PECAM1: variants seen among roughly 807,000 people sequenced by gnomAD.
The protein encoded by PECAM1 is platelet and endothelial cell adhesion molecule 1, also known as platelet endothelial cell adhesion molecule.
PECAM1 carries 8 observed loss-of-function variants against 13.8 expected under a neutral mutation model. That is an observed-to-expected ratio of 0.58 (90% confidence interval 0.34 to 1.05). The LOEUF is 1.05. PECAM1 is among the 50% of genes least tolerant of loss of function. The probability of loss-of-function intolerance (pLI) is 0.03; values close to 1 mark genes in which losing one functional copy is unlikely to be tolerated. For missense variants in PECAM1, 304 were observed against 141.2 expected, an observed-to-expected ratio of 2.15 and a Z score of -5.84; for synonymous variants, 136 against 52.6, an observed-to-expected ratio of 2.58 and a Z score of -6.86.
chr17:64,331,631 G>A (rs2035123516), intron 14 of PECAM1, among the ~76,000 whole-genome samples: 1 of 152,256 alleles, frequency 6.6e-6, no homozygotes, highest in South Asian at 2.1e-4. Flanking sequence ...CATAGGTGGT[G>A]GGTGATCCCT....
At chr17:64,329,079 C>G (rs1555646167) in intron 15 of PECAM1, among the ~76,000 whole-genome samples, 1 of 152,074 alleles carries the variant, frequency 6.6e-6, no homozygotes, top group Admixed American at 6.6e-5. Flanking sequence ...CATCCCTCAC[C>G]CTTGTGCTCC....
intron 12 of PECAM1, 113 bp downstream of exon 12, chr17:64,350,267 T>G (rs1320403843): frequency 2.5e-6 from 1 of 392,844 alleles, no homozygotes; most frequent in Non-Finnish European, 4.7e-6. Flanking sequence ...ACAGGGTCAT[T>G]AAGAGAGGTG....
chr17:64,382,308 G>A (rs2036498784), intron 2 of PECAM1, among the ~76,000 whole-genome samples: 1 of 152,142 alleles, frequency 6.6e-6, no homozygotes, highest in Non-Finnish European at 1.5e-5. Flanking sequence ...AGTGCACGGA[G>A]CCAGACCTGG....
intron 6 of PECAM1, among the ~76,000 whole-genome samples, chr17:64,361,508 CTT>C (rs1415603543): frequency 2.0e-5 from 3 of 151,704 alleles, no homozygotes; most frequent in Non-Finnish European, 4.4e-5. Flanking sequence ...AATCCCAGCA[CTT>C]TGGGAGGCCG....
intron 3 of PECAM1, 141 bp downstream of exon 3, chr17:64,377,683 G>A: frequency 2.4e-6 from 1 of 423,804 alleles, no homozygotes; most frequent in Admixed American, 3.6e-5. Flanking sequence ...ACGTATTCAG[G>A]TAAGGAAAAT....
At chr17:64,353,891 T>C (rs1398972125) in intron 9 of PECAM1, among the ~76,000 whole-genome samples, 2 of 151,806 alleles carry the variant, frequency 1.3e-5, no homozygotes, top group Non-Finnish European at 2.9e-5. Context: ...GACAATGATA[T>C]GGGAACCAGA....
chr17:64,384,690 C>A (rs2036555469), intron 2 of PECAM1, among the ~76,000 whole-genome samples: 1 of 152,174 alleles, frequency 6.6e-6, no homozygotes, highest in African/African-American at 2.4e-5. Context: ...CAACCCTGAC[C>A]AACAATTTAT....
chr17:64,343,712 A>C (rs2035489088), intron 13 of PECAM1, among the ~76,000 whole-genome samples: 1 of 152,174 alleles, frequency 6.6e-6, no homozygotes, highest in Admixed American at 6.5e-5. Context: ...CCAGGGCACC[A>C]AACAGGATTT....
intron 5 of PECAM1, among the ~76,000 whole-genome samples, chr17:64,367,188 T>C (rs1019702497): frequency 9.2e-5 from 14 of 152,138 alleles, no homozygotes; most frequent in African/African-American, 3.4e-4. Context: ...TAAGAAACAG[T>C]CTCTGACTTC....
At chr17:64,371,715 A>G (rs9652845) in intron 4 of PECAM1, among the ~76,000 whole-genome samples, 70,751 of 151,906 alleles carry the variant, frequency 0.47, 16,693 homozygotes, top group South Asian at 0.58. Context: ...CTGTAATGCC[A>G]GCTACTCAGG....
chr17:64,379,500 G>T (rs1170306547), intron 2 of PECAM1, among the ~76,000 whole-genome samples: 3 of 152,124 alleles, frequency 2.0e-5, no homozygotes, highest in Non-Finnish European at 4.4e-5. Context: ...AGCAGACCAG[G>T]GTGAACTGCT....
intron 15 of PECAM1, among the ~76,000 whole-genome samples, chr17:64,324,918 G>T (rs2034903672): frequency 6.6e-6 from 1 of 152,208 alleles, no homozygotes; most frequent in Non-Finnish European, 1.5e-5. Flanking sequence ...TGTTTCAGTG[G>T]CTGCTCTGCC....
chr17:64,356,856 C>T (rs2035858343), intron 7 of PECAM1, among the ~76,000 whole-genome samples: 1 of 152,138 alleles, frequency 6.6e-6, no homozygotes, highest in African/African-American at 2.4e-5. Flanking sequence ...TTCCTTTATG[C>T]TTTGACTCCC....
chr17:64,384,578 G>A (rs2143906753), intron 2 of PECAM1, among the ~76,000 whole-genome samples: 2 of 152,304 alleles, frequency 1.3e-5, no homozygotes, highest in African/African-American at 4.8e-5. Context: ...AAGCAGCCCT[G>A]TGGAAGGTAC....
At chr17:64,335,831 T>C (rs2035262549) in intron 14 of PECAM1, among the ~76,000 whole-genome samples, 2 of 152,000 alleles carry the variant, frequency 1.3e-5, no homozygotes, top group South Asian at 4.2e-4. Context: ...GCAAGATAAT[T>C]AGAGTATAGG....
intron 10 of PECAM1, 74 bp from the exon 11 acceptor site, chr17:64,352,537 A>G (rs1342352320): frequency 2.4e-6 from 1 of 409,638 alleles, no homozygotes; most frequent in East Asian, 3.6e-5. Context: ...ACCCCAAACC[A>G]CCAAAGTAAA....
intron 14 of PECAM1, among the ~76,000 whole-genome samples, chr17:64,330,869 A>G (rs2035094834): frequency 6.6e-6 from 1 of 151,984 alleles, no homozygotes; most frequent in African/African-American, 2.4e-5. Context: ...ACATGGCTTT[A>G]TAAACTTTTT....
intron 2 of PECAM1, among the ~76,000 whole-genome samples, chr17:64,380,906 G>T (rs1454147149): frequency 1.3e-5 from 2 of 152,152 alleles, no homozygotes; most frequent in Non-Finnish European, 2.9e-5. Context: ...GGAATCACTT[G>T]AACCTGGGAG....
At chr17:64,366,265 C>T (rs1381912377) in intron 5 of PECAM1, among the ~76,000 whole-genome samples, 36 of 151,960 alleles carry the variant, frequency 2.4e-4, no homozygotes, top group Admixed American at 1.2e-3. Context: ...AAATCAAAAC[C>T]GCTATGAGAT....
Sources: allele counts gnomAD v4.1 joint callset (sites outside exome capture counted in the v4.1 genomes callset), GRCh38; gene constraint gnomAD v4.1.1; transcripts MANE v1.5; gene names NCBI Gene and HGNC (gene_info 2026-07-23, HGNC 2026-07-21).